Variants in XYLT1 observed in about 807,000 individuals in gnomAD.
XYLT1 encodes beta-D-xylosyltransferase 1.
A neutral mutation model predicts 91.3 loss-of-function variants in XYLT1; 36 were observed. The observed-to-expected ratio is 0.39, with a 90% CI of 0.30 to 0.52. The LOEUF is 0.52. XYLT1 is among the 20% of genes least tolerant of loss of function. XYLT1 has a pLI of 0.68. For missense variants in XYLT1, 1,242 were observed against 1,284.5 expected, an observed-to-expected ratio of 0.97 and a Z score of 0.51; for synonymous variants, 588 against 532.0, an observed-to-expected ratio of 1.11 and a Z score of -1.45.
intron 1 of XYLT1, among the ~76,000 whole-genome samples, chr16:17,464,429 T>C (rs1236892914): frequency 7.1e-6 from 1 of 141,026 alleles, no homozygotes; most frequent in Non-Finnish European, 1.5e-5. Context: ...GAGGCGGAGG[T>C]AGCAGTGAGT....
In XYLT1 at chr16:17,262,292, T is replaced by C. The variant is rs575271986; in HGVS notation, c.403-2794A>G. On this transcript the variant is annotated intron_variant, in intron 2 of 11. Transcript: ENST00000261381. The stretch of plus-strand genomic sequence containing the variant: ...AAATAATTTCCAACGTAGGCACTAC[T>C]GTTCGCCCACCTTACAGAAAAGGGT... Among the ~76,000 whole-genome samples the C allele has an allele frequency of 3.3e-5, 5 of 152,364 alleles. No homozygotes were observed. In the East Asian group the frequency reaches 9.6e-4, roughly 29 times the overall value.
intron 1 of XYLT1, among the ~76,000 whole-genome samples, chr16:17,393,814 C>T (rs992911640): frequency 5.3e-5 from 8 of 152,054 alleles, no homozygotes; most frequent in African/African-American, 1.4e-4. Context: ...CTTGCTCTGT[C>T]GCCCAGGCTA....
intron 2 of XYLT1, among the ~76,000 whole-genome samples, chr16:17,339,311 A>C (rs1355113408): frequency 6.6e-6 from 1 of 152,218 alleles, no homozygotes; most frequent in Non-Finnish European, 1.5e-5. Context: ...TCAATTATGA[A>C]TATAGGCAAC....
Position 17,158,367 on chromosome 16 carries a change from T to G in XYLT1, c.1370+462A>C, listed in dbSNP as rs116544046. Among the ~76,000 whole-genome samples, 639 of 152,258 alleles carry G rather than the reference T, an allele frequency of 4.2e-3. 6 individuals carry two copies. The highest frequency in any genetic ancestry group is 0.014 in the African/African-American group (600 of 41,544). ...GTATGACACTCTTTTCCACTACAGG[T>G]CAATTCCCTGAGAGGAAGGACTTGG... On this transcript the variant is annotated intron_variant, in intron 6 of 11. Transcript: ENST00000261381.
chr16:17,467,880 T>A (rs2036920736), intron 1 of XYLT1, among the ~76,000 whole-genome samples: 1 of 151,854 alleles, frequency 6.6e-6, no homozygotes, highest in South Asian at 2.1e-4. Context: ...AGCACTGAGC[T>A]AAAGCATCTT....
In XYLT1 at chr16:17,374,766, T is replaced by C. The variant is rs113344183; in HGVS notation, c.364-16716A>G. Among the ~76,000 whole-genome samples the C allele has an allele frequency of 4.0e-3, 605 of 152,282 alleles. 2 individuals carry two copies. The highest frequency in any genetic ancestry group is 7.2e-3 in the Non-Finnish European group (491 of 68,014). On this transcript the variant is annotated intron_variant, in intron 1 of 11. Transcript: ENST00000261381. The stretch of plus-strand genomic sequence containing the variant: ...AAAACATCAATTTGCAAGAGTTCTA[T>C]GGCTGAGGAAAATGGCATGAGTATT...
At chr16:17,215,343 TAAAC>T (rs1435505328) in intron 3 of XYLT1, among the ~76,000 whole-genome samples, 4 of 152,080 alleles carry the variant, frequency 2.6e-5, no homozygotes, top group African/African-American at 9.7e-5. Context: ...GCCTCTGAAA[TAAAC>T]AAACAAACAA....
chr16:17,324,538 G>T (rs1380449290), intron 2 of XYLT1, among the ~76,000 whole-genome samples: 1 of 152,178 alleles, frequency 6.6e-6, no homozygotes, highest in African/African-American at 2.4e-5. Flanking sequence ...ACTTGCTTAG[G>T]TGCCATGCCA....
chr16:17,138,611 T>C lies in XYLT1; in HGVS notation c.1588-80A>G. 2.6e-6 allele frequency: 4 copies of C among 1,522,658 alleles called. No homozygotes were observed. In the South Asian group the frequency reaches 3.5e-5, roughly 14 times the overall value. The allele number at this position is 1,522,658 out of a possible 1,614,324, so 94.3% of individuals were successfully genotyped here. A position where few individuals can be genotyped will look rare whatever the true frequency, so the allele number is the denominator to read the frequency against. On this transcript the variant is annotated intron_variant, in intron 7 of 11. Coordinates refer to ENST00000261381, the MANE Select transcript of XYLT1 (RefSeq NM_022166.4). ...ACTGGGGTGGGAAATGGTGAACCCT[T>C]GCTCTGAGTTCATGTAAGAACTGGT...
intron 2 of XYLT1, among the ~76,000 whole-genome samples, chr16:17,343,259 T>TG (rs1471874861): frequency 1.3e-5 from 2 of 152,176 alleles, no homozygotes; most frequent in African/African-American, 4.8e-5. Flanking sequence ...GCCAAACTAC[T>TG]GCAGATCTGA....
chr16:17,287,583 T>C (rs1276858545), intron 2 of XYLT1, among the ~76,000 whole-genome samples: 1 of 152,234 alleles, frequency 6.6e-6, no homozygotes, highest in Non-Finnish European at 1.5e-5. Context: ...TTCTGAGGAC[T>C]CTGTTGGAGG....
chr16:17,311,514 G>A (rs1029894638), intron 2 of XYLT1, among the ~76,000 whole-genome samples: 4 of 152,142 alleles, frequency 2.6e-5, no homozygotes, highest in South Asian at 2.1e-4. Flanking sequence ...GTTGGTTCAG[G>A]ACCACGCTTC....
intron 3 of XYLT1, among the ~76,000 whole-genome samples, chr16:17,244,007 G>C (rs148985690): frequency 0.013 from 1,947 of 152,270 alleles, 23 homozygotes; most frequent in Admixed American, 0.027. Flanking sequence ...TATCCTTCGT[G>C]TCTACGCTTT....
intron 1 of XYLT1, among the ~76,000 whole-genome samples, chr16:17,365,462 A>G (rs2035442242): frequency 6.6e-6 from 1 of 152,182 alleles, no homozygotes; most frequent in Admixed American, 6.5e-5. Context: ...TGCAGGCCAG[A>G]ATCACACAGC....
At chr16:17,184,514 G>A (rs2032140429) in intron 5 of XYLT1, among the ~76,000 whole-genome samples, 1 of 149,182 alleles carries the variant, frequency 6.7e-6, no homozygotes, top group Non-Finnish European at 1.5e-5. Flanking sequence ...TGGCATCGAT[G>A]TAAGGTTCAT....
chr16:17,383,753 T>C (rs913383244), intron 1 of XYLT1, among the ~76,000 whole-genome samples: 1 of 87,104 alleles, frequency 1.1e-5, no homozygotes, highest in Non-Finnish European at 2.9e-5. Context: ...TGGAATTTTC[T>C]TTTTTTTTTT....
At chr16:17,210,975 A>G (rs1422219162) in intron 3 of XYLT1, among the ~76,000 whole-genome samples, 1 of 152,152 alleles carries the variant, frequency 6.6e-6, no homozygotes, top group Non-Finnish European at 1.5e-5. Flanking sequence ...ACTGAATGCC[A>G]TTGTTTTTGT....
Position 17,243,867 on chromosome 16 carries a change from A to T in XYLT1, c.913+15121T>A, listed in dbSNP as rs3943418. Among the ~76,000 whole-genome samples, 24 of 152,000 alleles carry T rather than the reference A, an allele frequency of 1.6e-4. 1 individual carries two copies. The highest frequency in any genetic ancestry group is 5.8e-4 in the African/African-American group (24 of 41,408). On this transcript the variant is annotated intron_variant, in intron 3 of 11. Coordinates refer to ENST00000261381, the MANE Select transcript of XYLT1 (RefSeq NM_022166.4). Reference sequence around the variant, plus strand: ...CTGTGGATGCCAATGTGTCCATACCAAATGTGAACTTGCCCCATGGAGAGA... The same window carrying T: ...CTGTGGATGCCAATGTGTCCATACCTAATGTGAACTTGCCCCATGGAGAGA...
At chr16:17,209,510 A>G (rs1001732644) in intron 3 of XYLT1, among the ~76,000 whole-genome samples, 20 of 152,216 alleles carry the variant, frequency 1.3e-4, no homozygotes, top group African/African-American at 4.1e-4. Context: ...TTTGGAGTAT[A>G]TTCCCAGAAA....
Sources: allele counts gnomAD v4.1 joint callset (sites outside exome capture counted in the v4.1 genomes callset), GRCh38; gene constraint gnomAD v4.1.1; transcripts MANE v1.5; gene names NCBI Gene and HGNC (gene_info 2026-07-23, HGNC 2026-07-21).